TUBGCP3: variants seen among roughly 807,000 people sequenced by gnomAD.
The protein encoded by TUBGCP3 is gamma-tubulin complex component 3.
Under a neutral mutation model 123.1 loss-of-function variants are expected in TUBGCP3, and 50 were observed. The ratio of observed to expected loss-of-function variants is 0.41; its 90% CI spans 0.32 to 0.51. TUBGCP3 has a LOEUF of 0.51. TUBGCP3 is among the 20% of genes least tolerant of loss of function. TUBGCP3 has a pLI of 0.36. For synonymous variants in TUBGCP3, 405 were observed against 413.9 expected (o/e 0.98, Z 0.26); for missense variants, 882 against 1,127.0 (o/e 0.78, Z 3.11).
At chr13:112,547,790 T>C in intron 9 of TUBGCP3, 38 bp from the exon 10 acceptor site, 6 of 1,408,772 alleles carry the variant, frequency 4.3e-6, no homozygotes, top group Non-Finnish European at 5.6e-6. Flanking sequence ...TAAGTACAAA[T>C]AACCACATAG....
At chr13:112,575,853 T>C (rs1304159059) in intron 1 of TUBGCP3, among the ~76,000 whole-genome samples, 2 of 152,082 alleles carry the variant, frequency 1.3e-5, no homozygotes, top group Non-Finnish European at 2.9e-5. Context: ...AAGGAGCCAA[T>C]GAGCCAAGGA....
intron 5 of TUBGCP3, 34 bp downstream of exon 5, chr13:112,558,162 C>T: frequency 6.3e-7 from 1 of 1,578,492 alleles, no homozygotes; most frequent in South Asian, 1.1e-5. Flanking sequence ...GTTTCTAACA[C>T]ATAGAGAATC....
intron 11 of TUBGCP3, among the ~76,000 whole-genome samples, chr13:112,540,620 A>G (rs1351367184): frequency 2.6e-5 from 4 of 151,100 alleles, no homozygotes; most frequent in Non-Finnish European, 4.4e-5. Flanking sequence ...GTCTTGGGAA[A>G]GGACACCTGG....
the TUBGCP3 span, chr13:112,605,488 C>T: frequency 0.16 from 25,082 of 152,090 alleles, 3,181 homozygotes; most frequent in African/African-American, 0.35. Context: ...CTGGAGAGCC[C>T]TTAGTCCACG....
At chr13:112,486,801 G>A (rs1320605932) in intron 21 of TUBGCP3, among the ~76,000 whole-genome samples, 1 of 152,230 alleles carries the variant, frequency 6.6e-6, no homozygotes, top group Non-Finnish European at 1.5e-5. Flanking sequence ...CCCGCCCAGT[G>A]CTGGAGCCTG....
chr13:112,603,070 G>C, the TUBGCP3 span: 1 of 152,184 alleles, frequency 6.6e-6, no homozygotes, highest in Non-Finnish European at 1.5e-5. Context: ...CTGACGAGAA[G>C]AAATCATTTT....
intron 20 of TUBGCP3, among the ~76,000 whole-genome samples, chr13:112,498,096 T>C (rs1880646991): frequency 6.6e-6 from 1 of 151,972 alleles, no homozygotes; most frequent in Non-Finnish European, 1.5e-5. Flanking sequence ...CACAAACACA[T>C]ACACATGCAT....
chr13:112,552,776 C>G (rs1879689845), intron 8 of TUBGCP3, among the ~76,000 whole-genome samples: 1 of 151,916 alleles, frequency 6.6e-6, no homozygotes, highest in South Asian at 2.1e-4. Context: ...CGCTCCTCCC[C>G]ACCAGCCACG....
At chr13:112,486,263 C>G (rs941384394) in intron 21 of TUBGCP3, 112 bp from the exon 22 acceptor site, 1 of 1,342,592 alleles carries the variant, frequency 7.4e-7, no homozygotes, top group African/African-American at 1.5e-5. Context: ...TCCAGATCAA[C>G]AGGCCCTTAG....
chr13:112,508,797 C>G lies in TUBGCP3; in HGVS notation c.2087-4083G>C, dbSNP rs1484218949. The stretch of plus-strand genomic sequence containing the variant: ...ACCCACCAGGTCCTCAAGTCAGAGA[C>G]CCAGGTGCCACTGAGACTCCAACCA... On this transcript the variant is annotated intron_variant, in intron 17 of 21. Transcript: ENST00000261965. This position sits in a 1 kb window ranked among gnomAD's most constrained non-coding sequence, Gnocchi z 4.2. Among the ~76,000 whole-genome samples the G allele has an allele frequency of 6.6e-6, 1 of 152,176 alleles. No individual in the cohort carries two copies. Among genetic ancestry groups the G allele is most frequent in the Admixed American group, 6.5e-5 (1 of 15,286 alleles).
chr13:112,582,357 A>G (rs1270329447), intron 1 of TUBGCP3, among the ~76,000 whole-genome samples: 1 of 152,248 alleles, frequency 6.6e-6, no homozygotes, highest in Admixed American at 6.5e-5. Context: ...AACATAACAA[A>G]TGTGGCACAT....
rs888224807 is a variant in TUBGCP3, at chr13:112,508,327, C to A, written c.2087-3613G>T. ...CATATCGGCATCTCAAACAGCCTTCCAACAAACAAAGCGTCTAACTTCGTT... is the reference window on the plus strand; with the variant it reads ...CATATCGGCATCTCAAACAGCCTTCAAACAAACAAAGCGTCTAACTTCGTT... On this transcript the variant is annotated intron_variant, in intron 17 of 21. Coordinates refer to ENST00000261965, the MANE Select transcript of TUBGCP3 (RefSeq NM_006322.6). This position sits in a 1 kb window ranked among gnomAD's most constrained non-coding sequence, Gnocchi z 4.2. Among the ~76,000 whole-genome samples, 2 of 152,210 alleles carry A rather than the reference C, an allele frequency of 1.3e-5. No homozygotes were observed. Among genetic ancestry groups the A allele is most frequent in the African/African-American group, 4.8e-5 (2 of 41,454 alleles).
chr13:112,564,168 C>T (rs1311103488), intron 3 of TUBGCP3, among the ~76,000 whole-genome samples: 1 of 152,084 alleles, frequency 6.6e-6, no homozygotes, highest in Non-Finnish European at 1.5e-5. Context: ...AAGATAATAT[C>T]GCAAATATTA....
chr13:112,485,988 G>T lies in TUBGCP3; in HGVS notation c.*5C>A, dbSNP rs375533236. The T allele has an allele frequency of 6.7e-5, 106 of 1,583,206 alleles. No individual in the cohort carries two copies. In the African/African-American group the frequency reaches 1.2e-3, roughly 18 times the overall value. On this transcript the variant is annotated 3_prime_UTR_variant, in exon 22 of 22. Transcript: ENST00000261965. ...ACCCGCAGCTCCCTGGGAGGACCGC[G>T]AGCTTCACGTGTGGGAGCTGCGCCG...
At chr13:112,578,093 G>A (rs1304503241) in intron 1 of TUBGCP3, among the ~76,000 whole-genome samples, 5 of 152,060 alleles carry the variant, frequency 3.3e-5, no homozygotes, top group African/African-American at 4.8e-5. Flanking sequence ...CCTTTGGAAC[G>A]CCAATCTGTG....
chr13:112,539,633 TC>T (rs1208159405), intron 11 of TUBGCP3, among the ~76,000 whole-genome samples: 3 of 152,330 alleles, frequency 2.0e-5, no homozygotes, highest in Non-Finnish European at 2.9e-5. Context: ...TAGAGCTCTA[TC>T]TAATCTCAGA....
intron 19 of TUBGCP3, among the ~76,000 whole-genome samples, chr13:112,499,879 T>A (rs971426428): frequency 6.6e-6 from 1 of 152,138 alleles, no homozygotes; most frequent in Non-Finnish European, 1.5e-5. Flanking sequence ...AAGGACACAA[T>A]GAAATCTACA....
rs1012871337 is a variant in TUBGCP3 at position 112,522,471 on chromosome 13, C to T, written c.1594G>A (p.Gly532Arg). ...LFTDLENAFQ[G>R]KIDAAYFETS... ...TCAAAATAAGCAGCATCAATCTTCCCCTGAAATGCATTTTCCAAGTCTGTG... is the reference window on the plus strand; with the variant it reads ...TCAAAATAAGCAGCATCAATCTTCCTCTGAAATGCATTTTCCAAGTCTGTG... Residue 532 changes from glycine to arginine, a missense_variant, in exon 14 of 22, where the codon GGG (glycine) becomes AGG (arginine). This residue lies in a region of TUBGCP3 where 713 missense variants were observed against 874.0 expected (regional missense o/e 0.82). Coordinates refer to ENST00000261965, the MANE Select transcript of TUBGCP3 (RefSeq NM_006322.6). The T allele has an allele frequency of 2.5e-6, 4 of 1,613,760 alleles. No homozygotes were observed. In the South Asian group the frequency reaches 4.4e-5, roughly 18 times the overall value.
chr13:112,522,368 A>T lies in TUBGCP3; in HGVS notation c.1697T>A (p.Leu566Gln). The part of the protein sequence containing the change: ...LDHMQAMRRY[L>Q]LLGQGDFIRH... ...TATAAAGTCTCCTTGACCAAGAAGC[A>T]GGTACCGCCTCATTGCCTGCATGTG... The change falls in exon 14 of 22, where the codon CTG becomes CAG. Residue 566 changes from leucine (L) to glutamine (Q), a missense_variant. Physicochemically the swap from Leu to Gln is moderately radical, Grantham distance 113. Around this residue, in one of 3 missense-constraint regions of TUBGCP3, gnomAD observed 713 missense variants for 874.0 expected, o/e 0.82. Transcript: ENST00000261965. 1 of 1,612,586 alleles carries T rather than the reference A, an allele frequency of 6.2e-7. No individual in the cohort carries two copies. Among genetic ancestry groups the T allele is most frequent in the Non-Finnish European group, 8.5e-7 (1 of 1,178,830 alleles).
Sources: gnomAD v4.1 joint callset for allele counts (sites outside exome capture counted in the v4.1 genomes callset) on GRCh38, gnomAD v4.1.1 for gene constraint, gnomAD v4.1.1 regional missense constraint, Gnocchi (gnomAD v3.1) non-coding constraint, MANE v1.5 for transcripts, NCBI Gene and HGNC (gene_info 2026-07-23, HGNC 2026-07-21) for gene names.